The following SYCP3 variants were observed in gnomAD, a reference collection of about 807,000 sequenced individuals.
SYCP3 encodes synaptonemal complex protein 3.
Under a neutral mutation model 38.5 loss-of-function variants are expected in SYCP3, and 29 were observed. The ratio of observed to expected loss-of-function variants is 0.75; its 90% confidence interval spans 0.56 to 1.03. The LOEUF (loss-of-function observed/expected upper bound fraction) is 1.03, where lower values mean the gene tolerates loss of function less well. Ranked by LOEUF, SYCP3 falls within the 50% of genes least tolerant of loss-of-function variation. The pLI, the probability that SYCP3 is intolerant of heterozygous loss-of-function variation, is 0.00. For missense variants in SYCP3, 242 were observed against 270.7 expected (o/e 0.89, Z 0.74); for synonymous variants, 79 against 80.3 (o/e 0.98, Z 0.08).
At chr12:101,732,407 T>C (rs368636339) in intron 6 of SYCP3, 67 of 152,314 alleles carry the variant, frequency 4.4e-4, no homozygotes, top group African/African-American at 1.5e-3. Flanking sequence ...GTCTGGCCAT[T>C]AAAAGTCAAC....
chr12:101,736,686 A>C lies in SYCP3; in HGVS notation c.235+351T>G, dbSNP rs549198728. On this transcript the variant is annotated intron_variant, in intron 4 of 8. Coordinates refer to ENST00000392924, the MANE Select transcript of SYCP3 (RefSeq NM_001177949.2). The stretch of plus-strand genomic sequence containing the variant: ...AACTGAAAAAATGAAAAACTTATAT[A>C]CAAATATATGTATGTATGTATATGT... 3.1e-4 allele frequency among the ~76,000 whole-genome samples: 45 copies of C among 145,732 alleles called. No homozygotes were observed. The Middle Eastern group carries it at 0.01, about 34-fold the overall frequency.
In SYCP3 at chr12:101,728,846, T is replaced by G; in HGVS notation, c.*81A>C. On this transcript the variant is annotated 3_prime_UTR_variant, in exon 9 of 9. Coordinates refer to ENST00000392924, the MANE Select transcript of SYCP3 (RefSeq NM_001177949.2). The stretch of plus-strand genomic sequence containing the variant: ...TAAAGATGTTACAATTAAACTATTC[T>G]AAAGACTTACAATATGCTTCTTAGC... 6.3e-7 allele frequency: 1 copy of G among 1,594,856 alleles called. No individual in the cohort carries two copies. Among genetic ancestry groups the G allele is most frequent in the African/African-American group, 1.3e-5 (1 of 74,642 alleles).
chr12:101,737,686 CG>C, intron 2 of SYCP3, 116 bp downstream of exon 2: 1 of 1,424,620 alleles, frequency 7.0e-7, no homozygotes, highest in Non-Finnish European at 9.8e-7. Flanking sequence ...CCACAAATAC[CG>C]GGGGAGGGAA....
At chr12:101,734,387 C>A (rs540400138) in intron 5 of SYCP3, among the ~76,000 whole-genome samples, 86 of 152,028 alleles carry the variant, frequency 5.7e-4, no homozygotes, top group Non-Finnish European at 9.8e-4. Flanking sequence ...TAATGAGACC[C>A]CCATCTCATA....
Position 101,733,676 on chromosome 12 carries a change from T to G in SYCP3, c.354-2A>C. The G allele has an allele frequency of 6.2e-7, 1 of 1,608,724 alleles. No individual in the cohort carries two copies. On this transcript the variant is annotated splice_acceptor_variant, in intron 5 of 8. Transcript: ENST00000392924. LOFTEE classifies it high-confidence loss of function. ...GAATATTCTTGGTTAAGCTTCTGCC[T>G]GTAAAACATAATGATGAATTATTGT...
In SYCP3 at chr12:101,737,902, A is replaced by G. The variant is rs1566058261; in HGVS notation, c.34T>C (p.Ser12Pro). Residue 12 changes from serine (S) to proline (P), a missense_variant, in exon 2 of 9, where the codon TCT becomes CCT. Coordinates refer to ENST00000392924, the MANE Select transcript of SYCP3 (RefSeq NM_001177949.2). ...TGATCTTCCACAGACGGCTTCCCAGATTTCCTGGAATACTTTTTTCCGGAG... is the reference window on the plus strand; with the variant it reads ...TGATCTTCCACAGACGGCTTCCCAGGTTTCCTGGAATACTTTTTTCCGGAG... ...VSSGKKYSRK[S>P]GKPSVEDQFT... 6.2e-7 allele frequency: 1 copy of G among 1,614,142 alleles called. No homozygotes were observed. The highest frequency in any genetic ancestry group is 1.1e-5 in the South Asian group (1 of 91,082).
At chr12:101,733,750 A>T in intron 5 of SYCP3, 76 bp from the exon 6 acceptor site, 2 of 1,318,434 alleles carry the variant, frequency 1.5e-6, no homozygotes, top group Non-Finnish European at 2.1e-6. Context: ...CTGAGTTGAC[A>T]CAGTTATACT....
At chr12:101,737,522 G>GT in intron 2 of SYCP3, 1 of 647,430 alleles carries the variant, frequency 1.5e-6, no homozygotes. Context: ...CTGGGTTAAT[G>GT]TCACAGTAAG....
At chr12:101,730,422 C>G (rs1438109927) in intron 7 of SYCP3, 2 of 403,070 alleles carry the variant, frequency 5.0e-6, no homozygotes, top group Non-Finnish European at 9.5e-6. Flanking sequence ...AAATGGTTCT[C>G]AGAGCATTGG....
intron 7 of SYCP3, 169 bp from the exon 8 acceptor site, chr12:101,729,382 A>C (rs1191308291): frequency 1.9e-5 from 13 of 668,530 alleles, no homozygotes; most frequent in Non-Finnish European, 3.2e-5. Context: ...CTACTAAAAA[A>C]GAAAAAATAT....
chr12:101,735,871 A>ATATATATATATATTTATATTTTTTTTTTT, intron 4 of SYCP3, among the ~76,000 whole-genome samples: 1 of 74,790 alleles, frequency 1.3e-5, no homozygotes, highest in African/African-American at 6.3e-5. Flanking sequence ...ATATATATAT[A>ATATATATATATATTTATATTTTTTTTTTT]TTTTTTTTTT....
Position 101,728,806 on chromosome 12 carries a change from A to C in SYCP3, c.*121T>G, listed in dbSNP as rs1952047441. 6.2e-6 allele frequency: 9 copies of C among 1,445,294 alleles called. No homozygotes were observed. The highest frequency in any genetic ancestry group is 8.6e-6 in the Non-Finnish European group (9 of 1,047,116). The allele number at this position is 1,445,294 out of a possible 1,614,324, so 89.5% of individuals were successfully genotyped here. ...TAACAGAAAGGGAGGTCTTACAATGAAACAGGTTTATGATTAAAGATGTTA... is the reference window on the plus strand; with the variant it reads ...TAACAGAAAGGGAGGTCTTACAATGCAACAGGTTTATGATTAAAGATGTTA... On this transcript the variant is annotated 3_prime_UTR_variant, in exon 9 of 9. Transcript: ENST00000392924.
intron 2 of SYCP3, 171 bp from the exon 3 acceptor site, chr12:101,737,469 C>G: frequency 1.4e-6 from 1 of 702,548 alleles, no homozygotes; most frequent in Non-Finnish European, 2.4e-6. Flanking sequence ...GAAATTAAAT[C>G]AGGATTCAGG....
intron 4 of SYCP3, among the ~76,000 whole-genome samples, chr12:101,736,007 C>T (rs1271348433): frequency 4.2e-5 from 6 of 143,584 alleles, no homozygotes; most frequent in Non-Finnish European, 6.0e-5. Flanking sequence ...GCCTGGCCAT[C>T]AATGATACTT....
intron 4 of SYCP3, among the ~76,000 whole-genome samples, chr12:101,735,665 T>TA (rs922228932): frequency 2.7e-5 from 4 of 149,388 alleles, no homozygotes; most frequent in Non-Finnish European, 3.0e-5. Flanking sequence ...GTCTCAAAAA[T>TA]AAAAAAAAAT....
intron 3 of SYCP3, 54 bp from the exon 4 acceptor site, chr12:101,737,125 T>A (rs1451523554): frequency 6.2e-7 from 1 of 1,610,540 alleles, no homozygotes; most frequent in African/African-American, 1.3e-5. Context: ...ATACCATGCT[T>A]GTTTTGGAAG....
chr12:101,731,551 TACC>T lies in SYCP3; in HGVS notation c.552+14_552+16del. On this transcript the variant is annotated intron_variant, in intron 7 of 8. Coordinates refer to ENST00000392924, the MANE Select transcript of SYCP3 (RefSeq NM_001177949.2). Reference sequence around the variant, plus strand: ...TATGTTTTATAACGATGTATTGTGTTACCACATACAACAAACCTTTATGAACTG... The same window carrying T: ...TATGTTTTATAACGATGTATTGTGTTACATACAACAAACCTTTATGAACTG... 1 of 1,518,264 alleles carries T rather than the reference TACC, an allele frequency of 6.6e-7. No homozygotes were observed. The highest frequency in any genetic ancestry group is 9.0e-7 in the Non-Finnish European group (1 of 1,105,674). 94.0% of individuals were successfully genotyped at this position (1,518,264 alleles called of 1,614,324 possible).
chr12:101,733,217 T>A lies in SYCP3; in HGVS notation c.453+358A>T, dbSNP rs1952259580. 9 of 235,576 alleles carry A rather than the reference T, an allele frequency of 3.8e-5. No individual in the cohort carries two copies. The South Asian group carries it at 6.1e-4, about 16-fold the overall frequency. 14.6% of individuals were successfully genotyped at this position (235,576 alleles called of 1,614,324 possible). ...ATCTTGCTTACTACATCAAGACACC[T>A]TACTAAGTACTGATGACAGAACCCA... On this transcript the variant is annotated intron_variant, in intron 6 of 8. Coordinates refer to ENST00000392924, the MANE Select transcript of SYCP3 (RefSeq NM_001177949.2).
chr12:101,730,315 G>T (rs1039769155), intron 7 of SYCP3, among the ~76,000 whole-genome samples: 15 of 151,972 alleles, frequency 9.9e-5, no homozygotes, highest in African/African-American at 3.6e-4. Context: ...AGAGTCAAAG[G>T]TTATACTATA....
Sources: allele counts gnomAD v4.1 joint callset (sites outside exome capture counted in the v4.1 genomes callset), GRCh38; gene constraint gnomAD v4.1.1; transcripts MANE v1.5; gene names NCBI Gene and HGNC (gene_info 2026-07-23, HGNC 2026-07-21).